Variants in TLR5 observed in about 807,000 individuals in gnomAD.
TLR5 encodes the protein toll-like receptor 5.
For missense variants in TLR5, 944 were observed against 999.8 expected (o/e 0.94, Z 0.75); for synonymous variants, 373 against 384.4 (o/e 0.97, Z 0.35).
rs147287900 is a variant in TLR5, at chr1:223,111,387, T to C, written c.1645A>G (p.Asn549Asp). Reference sequence around the variant, plus strand: ...CTGGATATGTCCAGGATCTCTAAATTAGCAGGTAAATCATTGTGAGAAAGA... The same window carrying C: ...CTGGATATGTCCAGGATCTCTAAATCAGCAGGTAAATCATTGTGAGAAAGA... ...TVLSHNDLPA[N>D]LEILDISRNQ... The change falls in exon 6 of 6, where the codon AAT (asparagine) becomes GAT (aspartate). Residue 549 changes from asparagine (N) to aspartate (D), a missense_variant. Physicochemically the swap from Asn to Asp is conservative, Grantham distance 23 (BLOSUM62 1). Coordinates refer to ENST00000642603, the MANE Select transcript of TLR5 (RefSeq NM_003268.6). 41 of 1,614,046 alleles carry C rather than the reference T, an allele frequency of 2.5e-5. No individual in the cohort carries two copies. The Middle Eastern group carries it at 4.9e-4, about 19-fold the overall frequency.
chr1:223,113,234 C>T (rs1656461838), intron 5 of TLR5, among the ~76,000 whole-genome samples, 199 bp from the exon 6 acceptor site: 1 of 152,176 alleles, frequency 6.6e-6, no homozygotes, highest in South Asian at 2.1e-4. Flanking sequence ...GAGACAGGGT[C>T]TTGCTCTGTT....
chr1:223,121,969 T>C (rs1385557851), intron 5 of TLR5, among the ~76,000 whole-genome samples: 2 of 152,040 alleles, frequency 1.3e-5, no homozygotes, highest in Non-Finnish European at 2.9e-5. Flanking sequence ...TTTTGGAAAA[T>C]GGGATAAAAG....
At chr1:223,114,051 C>A (rs1471496711) in intron 5 of TLR5, among the ~76,000 whole-genome samples, 1 of 152,190 alleles carries the variant, frequency 6.6e-6, no homozygotes, top group African/African-American at 2.4e-5. Flanking sequence ...TGGCACCCCA[C>A]AAAGAGCCAG....
intron 2 of TLR5, among the ~76,000 whole-genome samples, chr1:223,138,720 T>C (rs1053370536): frequency 2.0e-5 from 3 of 152,192 alleles, no homozygotes; most frequent in Non-Finnish European, 4.4e-5. Context: ...AGTGGACTTC[T>C]CCCCAGGCCA....
At chr1:223,125,207 C>G (rs190067694) in intron 5 of TLR5, among the ~76,000 whole-genome samples, 1 of 152,170 alleles carries the variant, frequency 6.6e-6, no homozygotes, top group Non-Finnish European at 1.5e-5. Flanking sequence ...ACATCAATCA[C>G]GTTAGAAACA....
intron 2 of TLR5, among the ~76,000 whole-genome samples, chr1:223,139,134 C>A (rs1000099772): frequency 8.5e-5 from 13 of 152,216 alleles, no homozygotes; most frequent in African/African-American, 2.7e-4. Flanking sequence ...TCAGGTATAT[C>A]TTTATTAGCA....
chr1:223,134,729 C>A lies in TLR5; in HGVS notation c.-217G>T, dbSNP rs569658093. On this transcript the variant is annotated 5_prime_UTR_variant, in exon 4 of 6. The change abolishes an upstream ATG in the 5' untranslated region. Coordinates refer to ENST00000642603, the MANE Select transcript of TLR5 (RefSeq NM_003268.6). Reference sequence around the variant, plus strand: ...CCAACATTCTCAATTAGAAAATTAACATCTGAGGCTCCGACATCTTCCCTG... The same window carrying A: ...CCAACATTCTCAATTAGAAAATTAAAATCTGAGGCTCCGACATCTTCCCTG... 1.1e-4 allele frequency: 17 copies of A among 152,006 alleles called. No individual in the cohort carries two copies. The highest frequency in any genetic ancestry group is 2.4e-4 in the Non-Finnish European group (16 of 68,030). The allele number at this position is 152,006 out of a possible 1,614,324, so 9.4% of individuals were successfully genotyped here. A position where few individuals can be genotyped will look rare whatever the true frequency, so the allele number is the denominator to read the frequency against.
chr1:223,138,323 G>T (rs547563906), intron 2 of TLR5, among the ~76,000 whole-genome samples: 1 of 152,206 alleles, frequency 6.6e-6, no homozygotes, highest in East Asian at 1.9e-4. Context: ...GCATTGGGCA[G>T]CTTTGGCCAC....
intron 1 of TLR5, among the ~76,000 whole-genome samples, chr1:223,142,024 G>A (rs1183009771): frequency 1.3e-5 from 2 of 152,020 alleles, no homozygotes; most frequent in South Asian, 2.1e-4. Flanking sequence ...CCTTCTGACT[G>A]GCTGTGCATG....
chr1:223,116,138 G>C (rs1479544039), intron 5 of TLR5, among the ~76,000 whole-genome samples: 2 of 152,172 alleles, frequency 1.3e-5, no homozygotes, highest in Non-Finnish European at 2.9e-5. Context: ...GCCCTTACTT[G>C]TCTTGTCTAT....
intron 2 of TLR5, 186 bp downstream of exon 2, chr1:223,141,462 T>C (rs1278030930): frequency 6.6e-6 from 1 of 152,154 alleles, no homozygotes; most frequent in Admixed American, 6.5e-5. Context: ...GGCATGGTCA[T>C]GCTGATTGTT....
Position 223,111,650 on chromosome 1 carries a change from G to A in TLR5, c.1382C>T (p.Ser461Phe), listed in dbSNP as rs201019501. ...AGGGGTTTGATCTCCACTACAGGAG[G>A]AGAAGCGATTTTGATTTAAAATGAG... Reference protein sequence around the residue: ...QILILNQNRFSSCSGDQTPSE... With the variant: ...QILILNQNRFFSCSGDQTPSE... Residue 461 changes from serine (S) to phenylalanine (F), a missense_variant, in exon 6 of 6, where the codon TCC (serine) becomes TTC (phenylalanine). Physicochemically the swap from Ser to Phe is radical, Grantham distance 155 (BLOSUM62 -2). Transcript: ENST00000642603. The A allele has an allele frequency of 1.2e-6, 2 of 1,614,180 alleles. No individual in the cohort carries two copies. The highest frequency in any genetic ancestry group is 1.3e-5 in the African/African-American group (1 of 75,058).
chr1:223,110,322 A>G lies in TLR5; in HGVS notation c.*133T>C, dbSNP rs1372775869. 2.3e-6 allele frequency: 2 copies of G among 871,742 alleles called. No homozygotes were observed. Among genetic ancestry groups the G allele is most frequent in the African/African-American group, 1.7e-5 (1 of 58,984 alleles). The allele number at this position is 871,742 out of a possible 1,614,324, so 54.0% of individuals were successfully genotyped here. A position where few individuals can be genotyped will look rare whatever the true frequency, so the allele number is the denominator to read the frequency against. ...ACATGGTGTTGATACGAAAATTGAG[A>G]GATTTATGTTGTTTTCATAGTAGCA... On this transcript the variant is annotated 3_prime_UTR_variant, in exon 6 of 6. Transcript: ENST00000642603.
rs1458323004 is a variant in TLR5 at position 223,111,777 on chromosome 1, G to T, written c.1255C>A (p.Pro419Thr). ...FLSGNKLVTL[P>T]KINLTANLIH... is the part of the protein sequence containing the mutation. ...AGGTTCGCTGTAAGGTTGATCTTTG[G>T]CAAAGTCACTAGTTTATTGCCACTC... Residue 419 changes from proline to threonine, a missense_variant, in exon 6 of 6, where the codon CCA (proline) becomes ACA (threonine). By Grantham distance (38) the Pro-to-Thr change is conservative. Transcript: ENST00000642603. 4 of 1,614,100 alleles carry T rather than the reference G, an allele frequency of 2.5e-6. No individual in the cohort carries two copies. Among genetic ancestry groups the T allele is most frequent in the Non-Finnish European group, 3.4e-6 (4 of 1,180,004 alleles).
intron 5 of TLR5, among the ~76,000 whole-genome samples, chr1:223,132,259 A>C (rs1657421597): frequency 6.6e-6 from 1 of 152,132 alleles, no homozygotes; most frequent in Admixed American, 6.5e-5. Flanking sequence ...GCTATTTGGG[A>C]GGCTGAGGCA....
intron 5 of TLR5, among the ~76,000 whole-genome samples, chr1:223,118,996 C>G (rs1656811232): frequency 6.6e-6 from 1 of 152,000 alleles, no homozygotes; most frequent in South Asian, 2.1e-4. Context: ...CCTAGCTACT[C>G]AGGAGGCTCA....
intron 5 of TLR5, among the ~76,000 whole-genome samples, chr1:223,118,483 G>T (rs970526635): frequency 1.3e-5 from 2 of 151,618 alleles, no homozygotes. Context: ...GGAGTCAGAG[G>T]TTGCAGTGAG....
chr1:223,119,660 T>A (rs149203469), intron 5 of TLR5, among the ~76,000 whole-genome samples: 105 of 151,984 alleles, frequency 6.9e-4, no homozygotes, highest in African/African-American at 2.4e-3. Flanking sequence ...TTTGTAGCAA[T>A]AAGATACCAA....
chr1:223,109,548 T>C lies in TLR5; in HGVS notation c.*907A>G, dbSNP rs1016134632. The C allele has an allele frequency of 1.3e-5, 2 of 152,208 alleles. No homozygotes were observed. The highest frequency in any genetic ancestry group is 4.8e-5 in the African/African-American group (2 of 41,454). The allele number at this position is 152,208 out of a possible 1,614,324, so 9.4% of individuals were successfully genotyped here. On this transcript the variant is annotated 3_prime_UTR_variant, in exon 6 of 6. Coordinates refer to ENST00000642603, the MANE Select transcript of TLR5 (RefSeq NM_003268.6). ...AAAGATCTGAGAAGCCCTGACATCC[T>C]TGGCCAATTTAATTTTCACAGGAAT...
Sources: gnomAD v4.1 joint callset for allele counts (sites outside exome capture counted in the v4.1 genomes callset) on GRCh38, gnomAD v4.1.1 for gene constraint, MANE v1.5 for transcripts, NCBI Gene and HGNC (gene_info 2026-07-23, HGNC 2026-07-21) for gene names.